Variants in TTN observed in about 807,000 individuals in gnomAD.
TTN encodes titin.
A neutral mutation model predicts 3,223.0 loss-of-function variants in TTN; 1,525 were observed. The ratio of observed to expected loss-of-function variants is 0.47; its 90% CI spans 0.45 to 0.49. The LOEUF is 0.49. Among genes scored for constraint, TTN ranks in the 20% least tolerant of loss-of-function variants. TTN has a pLI of 0.00. For missense variants in TTN, 40,786 were observed against 43,424.0 expected (o/e 0.94, Z 5.40); for synonymous variants, 14,094 against 15,161.0 (o/e 0.93, Z 5.17).
At position 178,782,890 on chromosome 2, in the gene TTN, A is replaced by G; in HGVS notation, c.3016T>C (p.Phe1006Leu). Residue 1006 changes from phenylalanine (F) to leucine (L), a missense_variant, in exon 18 of 363, where the codon TTT becomes CTT. Phe to Leu is a conservative substitution (Grantham distance 22). Coordinates refer to ENST00000589042, the MANE Select transcript of TTN (RefSeq NM_001267550.2). ...GTAAATCGCCCGCTGTCTTCCGCAAATGCTTCGCGAATCATAAGACGAGCA... is the reference window on the plus strand; with the variant it reads ...GTAAATCGCCCGCTGTCTTCCGCAAGTGCTTCGCGAATCATAAGACGAGCA... The part of the protein sequence containing the change: ...GIARLMIREA[F>L]AEDSGRFTCS... The G allele has an allele frequency of 1.9e-6, 3 of 1,614,088 alleles. No homozygotes were observed. The highest frequency in any genetic ancestry group is 2.5e-6 in the Non-Finnish European group (3 of 1,179,984).
intron 113 of TTN, among the ~76,000 whole-genome samples, chr2:178,696,671 AC>A (rs2073784127): frequency 6.6e-6 from 1 of 152,114 alleles, no homozygotes; most frequent in African/African-American, 2.4e-5. Context: ...TATTTCAAAA[AC>A]ATTTCTAATT....
chr2:178,552,608 C>T lies in TTN; in HGVS notation c.90292G>A (p.Val30098Ile). The change falls in exon 335 of 363, where the codon GTC becomes ATC. Residue 30098 changes from valine to isoleucine, a missense_variant. Physicochemically the swap from Val to Ile is conservative, Grantham distance 29. Coordinates refer to ENST00000589042, the MANE Select transcript of TTN (RefSeq NM_001267550.2). ...TTGGCAAACACTCTGAACTCCAGGA[C>T]TGACTGCTCCTTAAGTTGGCTAACC... ...IEVSQLKEQS[V>I]LEFRVFAKNE... 3 of 1,613,884 alleles carry T rather than the reference C, an allele frequency of 1.9e-6. No individual in the cohort carries two copies. Among genetic ancestry groups the T allele is most frequent in the South Asian group, 1.1e-5 (1 of 91,086 alleles).
chr2:178,704,230 A>G lies in TTN; in HGVS notation c.30140T>C (p.Ile10047Thr), dbSNP rs1468010768. The change falls in exon 106 of 363, where the codon ATT becomes ACT. Residue 10047 changes from isoleucine (I) to threonine (T), a missense_variant. Ile to Thr is a moderately conservative substitution (Grantham distance 89). Coordinates refer to ENST00000589042, the MANE Select transcript of TTN (RefSeq NM_001267550.2). ...CTGGTCTTCTGCTCGAACATCTGCA[A>G]TGGTCAATTTATGGACTTTGTGTTC... ...EVEHKVHKLT[I>T]ADVRAEDQGQ... 3.7e-6 allele frequency: 6 copies of G among 1,614,002 alleles called. No individual in the cohort carries two copies. The highest frequency in any genetic ancestry group is 5.1e-6 in the Non-Finnish European group (6 of 1,179,880).
At position 178,715,714 on chromosome 2, in the gene TTN, G is replaced by T. The variant is rs867794054; in HGVS notation, c.25700C>A (p.Thr8567Lys). 6.2e-7 allele frequency: 1 copy of T among 1,604,322 alleles called. No homozygotes were observed. Among genetic ancestry groups the T allele is most frequent in the Middle Eastern group, 1.7e-4 (1 of 6,052 alleles). Reference protein sequence around the residue: ...PSRIVKQDEFTRYECKIGGSP... With the variant: ...PSRIVKQDEFKRYECKIGGSP... The stretch of plus-strand genomic sequence containing the variant: ...CCCACCGATTTTGCATTCATACCTT[G>T]TGAATTCATCCTGTTTCACAATTCT... The change falls in exon 89 of 363, where the codon ACA becomes AAA. Residue 8567 changes from threonine to lysine, a missense_variant. Coordinates refer to ENST00000589042, the MANE Select transcript of TTN (RefSeq NM_001267550.2).
Position 178,537,575 on chromosome 2 carries a change from C to T in TTN, c.99632G>A (p.Gly33211Asp). The change falls in exon 355 of 363, where the codon GGT (glycine) becomes GAT (aspartate). Residue 33211 changes from glycine to aspartate, a missense_variant. By Grantham distance (94) the Gly-to-Asp change is moderately conservative. Transcript: ENST00000589042. ...PLKEKYYGAVGSTLRLHVMYI... is the reference protein window; with the variant it reads ...PLKEKYYGAVDSTLRLHVMYI... ...CATAACATGAAGCCGAAGTGTGGAA[C>T]CCACAGCTCCATAATATTTCTCTTT... 6.2e-7 allele frequency: 1 copy of T among 1,613,716 alleles called. No homozygotes were observed. Among genetic ancestry groups the T allele is most frequent in the Non-Finnish European group, 8.5e-7 (1 of 1,179,758 alleles).
Position 178,551,742 on chromosome 2 carries a change from G to T in TTN, c.91158C>A (p.Ala30386=). 1 of 1,613,776 alleles carries T rather than the reference G, an allele frequency of 6.2e-7. No individual in the cohort carries two copies. Among genetic ancestry groups the T allele is most frequent in the Middle Eastern group, 1.7e-4 (1 of 6,056 alleles). ...TSPISGREYR[A]TGLVEGLDYQ... ...AATCCAGACCTTCTACCAGTCCAGT[G>T]GCTCTATATTCTCTTCCAGAGATTG... Residue 30386 remains alanine, a synonymous_variant, in exon 335 of 363, where the codon GCC becomes GCA. Coordinates refer to ENST00000589042, the MANE Select transcript of TTN (RefSeq NM_001267550.2).
rs754040141 is a variant in TTN at position 178,575,379 on chromosome 2, C to T, written c.70753G>A (p.Val23585Met). The T allele has an allele frequency of 1.1e-5, 17 of 1,613,472 alleles. No individual in the cohort carries two copies. Among genetic ancestry groups the T allele is most frequent in the Admixed American group, 1.0e-4 (6 of 59,986 alleles). Residue 23585 changes from valine (V) to methionine (M), a missense_variant, in exon 326 of 363, where the codon GTG becomes ATG. Physicochemically the swap from Val to Met is conservative, Grantham distance 21 (BLOSUM62 1). Transcript: ENST00000589042. This position sits in a 1 kb window ranked among gnomAD's most constrained non-coding sequence, Gnocchi z 4.0. ...CTCACAACACATTCTAACCCTTTCA[C>T]GGTTGTGATGTGGGTCCACTGGTCA... Reference protein sequence around the residue: ...GSDQWTHITTVKGLECVVRNL... With the variant: ...GSDQWTHITTMKGLECVVRNL...
In TTN at chr2:178,633,439, T is replaced by G; in HGVS notation, c.42920A>C (p.Lys14307Thr). 1 of 1,613,440 alleles carries G rather than the reference T, an allele frequency of 6.2e-7. No homozygotes were observed. The highest frequency in any genetic ancestry group is 8.5e-7 in the Non-Finnish European group (1 of 1,179,580). The change falls in exon 232 of 363, where the codon AAG (lysine) becomes ACG (threonine). Residue 14307 changes from lysine (K) to threonine (T), a missense_variant. Coordinates refer to ENST00000589042, the MANE Select transcript of TTN (RefSeq NM_001267550.2). Reference protein sequence around the residue: ...GEYVCDCGTDKTKANVTVEAR... With the variant: ...GEYVCDCGTDTTKANVTVEAR... ...CTCAACAGTAACATTTGCCTTGGTC[T>G]TGTCTGTGCCACAGTCACACACATA...
At position 178,704,963 on chromosome 2, in the gene TTN, T is replaced by C. The variant is rs761934511; in HGVS notation, c.29608A>G (p.Ile9870Val). ...SQEEETHRLE[I>V]EEIERSERDE... ...CTCTCTGACCTCTCTATTTCCTCAA[T>C]TTCCTGAGAAGAACAAAAATGATAG... The change falls in exon 104 of 363, where the codon ATT becomes GTT. Residue 9870 changes from isoleucine (I) to valine (V), a missense_variant. Coordinates refer to ENST00000589042, the MANE Select transcript of TTN (RefSeq NM_001267550.2). The C allele has an allele frequency of 1.2e-6, 2 of 1,612,284 alleles. No homozygotes were observed.
intron 276 of TTN, 27 bp downstream of exon 276, chr2:178,607,758 T>C (rs2055260080): frequency 6.2e-7 from 1 of 1,612,094 alleles, no homozygotes; most frequent in African/African-American, 1.3e-5. Flanking sequence ...AAAATATCCA[T>C]AATTTTATTC....
At chr2:178,773,023 TGAAAG>T in intron 33 of TTN, 81 bp downstream of exon 33, 1 of 1,578,758 alleles carries the variant, frequency 6.3e-7, no homozygotes, top group South Asian at 1.1e-5. Context: ...AGTGGGAAAC[TGAAAG>T]GAATTTTGGG....
rs1286984854 is a variant in TTN at position 178,567,672 on chromosome 2, T to G, written c.78460A>C (p.Thr26154Pro). The change falls in exon 326 of 363, where the codon ACT becomes CCT. Residue 26154 changes from threonine (T) to proline (P), a missense_variant. Physicochemically the swap from Thr to Pro is conservative, Grantham distance 38. Coordinates refer to ENST00000589042, the MANE Select transcript of TTN (RefSeq NM_001267550.2). ...CTGAATTCATATCTTTGATCTTCAGTAAGACCTGACACAGTAAATTGAGTT... is the reference window on the plus strand; with the variant it reads ...CTGAATTCATATCTTTGATCTTCAGGAAGACCTGACACAGTAAATTGAGTT... ...IETQFTVSGL[T>P]EDQRYEFRVI... 6.2e-7 allele frequency: 1 copy of G among 1,612,488 alleles called. No individual in the cohort carries two copies. The highest frequency in any genetic ancestry group is 8.5e-7 in the Non-Finnish European group (1 of 1,178,980).
At chr2:178,734,084 A>G (rs1005542544) in intron 52 of TTN, among the ~76,000 whole-genome samples, 192 bp from the exon 53 acceptor site, 1 of 152,170 alleles carries the variant, frequency 6.6e-6, no homozygotes, top group African/African-American at 2.4e-5. Flanking sequence ...TAGATGATAC[A>G]TGTTTGTCAG....
At position 178,593,465 on chromosome 2, in the gene TTN, A is replaced by T; in HGVS notation, c.58743T>A (p.Asp19581Glu). The change falls in exon 299 of 363, where the codon GAT becomes GAA. Residue 19581 changes from aspartate to glutamate, a missense_variant. Coordinates refer to ENST00000589042, the MANE Select transcript of TTN (RefSeq NM_001267550.2). ...CTGTAACAATTGGCTGATCAGGTGCATCAGGAACCCCTGTAACAAATGTTG... is the reference window on the plus strand; with the variant it reads ...CTGTAACAATTGGCTGATCAGGTGCTTCAGGAACCCCTGTAACAAATGTTG... ...MKAKDRFRVP[D>E]APDQPIVTEV... is the part of the protein sequence containing the mutation. 3 of 1,609,556 alleles carry T rather than the reference A, an allele frequency of 1.9e-6. No homozygotes were observed. The highest frequency in any genetic ancestry group is 2.5e-6 in the Non-Finnish European group (3 of 1,178,888).
chr2:178,742,709 CAT>C (rs1163543068), intron 47 of TTN, among the ~76,000 whole-genome samples: 1 of 152,078 alleles, frequency 6.6e-6, no homozygotes, highest in Non-Finnish European at 1.5e-5. Context: ...GGATGAAAGA[CAT>C]GTAATTTTAA....
chr2:178,743,308 T>C (rs2082829575), intron 47 of TTN, among the ~76,000 whole-genome samples: 1 of 152,020 alleles, frequency 6.6e-6, no homozygotes, highest in African/African-American at 2.4e-5. Context: ...CTCAACTATG[T>C]GCAATACAAT....
chr2:178,746,411 A>G (rs2083566776), intron 47 of TTN: 2 of 1,610,142 alleles, frequency 1.2e-6, no homozygotes, highest in Non-Finnish European at 1.7e-6. Flanking sequence ...AACTGTCACT[A>G]TTTTCACCTG....
At position 178,546,083 on chromosome 2, in the gene TTN, C is replaced by T; in HGVS notation, c.95153G>A (p.Ser31718Asn). The T allele has an allele frequency of 6.2e-7, 1 of 1,611,564 alleles. No homozygotes were observed. The highest frequency in any genetic ancestry group is 8.5e-7 in the Non-Finnish European group (1 of 1,178,216). The change falls in exon 343 of 363, where the codon AGC becomes AAC. Residue 31718 changes from serine (S) to asparagine (N), a missense_variant. Physicochemically the swap from Ser to Asn is conservative, Grantham distance 46. Transcript: ENST00000589042. ...AGTGCACTTCTCCTGTGTTACTCTG[C>T]TGACGGTGAGCTTTCCACATGGGCC... is the stretch of plus-strand genomic sequence containing the variant. ...SPGPCGKLTV[S>N]RVTQEKCTLA...
chr2:178,696,179 G>A lies in TTN; in HGVS notation c.30893C>T (p.Ala10298Val), dbSNP rs727504902. 5.8e-6 allele frequency: 9 copies of A among 1,558,994 alleles called. No homozygotes were observed. Among genetic ancestry groups the A allele is most frequent in the Admixed American group, 1.9e-5 (1 of 51,548 alleles). ...GACTGCTTGCTTTTTCTCATACACA[G>A]CTTCTTTTTCTTTCTGAACCTCTTT... Reference protein sequence around the residue: ...RKKEVQKEKEAVYEKKQAVHK... With the variant: ...RKKEVQKEKEVVYEKKQAVHK... Residue 10298 changes from alanine to valine, a missense_variant, in exon 114 of 363, where the codon GCT becomes GTT. Physicochemically the swap from Ala to Val is moderately conservative, Grantham distance 64. Transcript: ENST00000589042.
Sources: gnomAD v4.1 joint callset for allele counts (sites outside exome capture counted in the v4.1 genomes callset) on GRCh38, gnomAD v4.1.1 for gene constraint, Gnocchi (gnomAD v3.1) non-coding constraint, MANE v1.5 for transcripts, NCBI Gene and HGNC (gene_info 2026-07-23, HGNC 2026-07-21) for gene names.